Variants in EPHA5 observed in about 807,000 individuals in gnomAD.
EPHA5 encodes ephrin type-A receptor 5.
Under a neutral mutation model 105.0 loss-of-function variants are expected in EPHA5, and 60 were observed. That is an observed-to-expected ratio of 0.57 (90% confidence interval 0.46 to 0.71). EPHA5 has a LOEUF of 0.71. Among genes scored for constraint, EPHA5 ranks in the 30% least tolerant of loss-of-function variants. The pLI is 0.00. For synonymous variants in EPHA5, 513 were observed against 449.1 expected (o/e 1.14, Z -1.80); for missense variants, 1,218 against 1,274.7 (o/e 0.96, Z 0.68).
Position 65,409,632 on chromosome 4 carries a change from T to C in EPHA5, c.1687+4652A>G, listed in dbSNP as rs370957708. Among the ~76,000 whole-genome samples, 4 of 152,160 alleles carry C rather than the reference T, an allele frequency of 2.6e-5. No homozygotes were observed. The South Asian group carries it at 6.2e-4, about 24-fold the overall frequency. ...TAAAATAATTGCAAGAGCCAGATTA[T>C]AAGGCTACAGGTCAGAGTAAGAATT... On this transcript the variant is annotated intron_variant, in intron 7 of 16. Transcript: ENST00000613740.
chr4:65,628,443 G>T (rs1746339952), intron 2 of EPHA5, among the ~76,000 whole-genome samples: 1 of 151,936 alleles, frequency 6.6e-6, no homozygotes, highest in African/African-American at 2.4e-5. Context: ...TAACCTTCCA[G>T]GATAATGGCA....
chr4:65,404,284 G>T, intron 8 of EPHA5, 90 bp downstream of exon 8: 2 of 970,496 alleles, frequency 2.1e-6, no homozygotes, highest in Non-Finnish European at 1.6e-6. Context: ...TGCCTGATTT[G>T]TTTTGGGATG....
At chr4:65,576,063 G>GAA (rs1428582716) in intron 3 of EPHA5, among the ~76,000 whole-genome samples, 1 of 56,038 alleles carries the variant, frequency 1.8e-5, no homozygotes, top group African/African-American at 6.9e-5. Flanking sequence ...AGAAAGAAAA[G>GAA]AAAAGAAAAG....
chr4:65,360,341 A>T (rs1451126299), intron 11 of EPHA5, among the ~76,000 whole-genome samples: 1 of 151,670 alleles, frequency 6.6e-6, no homozygotes, highest in African/African-American at 2.4e-5. Flanking sequence ...GTGATCAGCT[A>T]GTATTTTTTG....
chr4:65,597,499 T>G (rs1743305466), intron 3 of EPHA5, among the ~76,000 whole-genome samples: 1 of 147,000 alleles, frequency 6.8e-6, no homozygotes, highest in African/African-American at 2.5e-5. Context: ...GGGAAAAAAA[T>G]AGCATGAATT....
chr4:65,586,510 C>G (rs1742140477), intron 3 of EPHA5, among the ~76,000 whole-genome samples: 1 of 151,818 alleles, frequency 6.6e-6, no homozygotes, highest in Non-Finnish European at 1.5e-5. Context: ...TTCTTCATAT[C>G]AGTGCTACAA....
rs1191951020 is a variant in EPHA5 at position 65,575,998 on chromosome 4, GAGAGAAAGAAAGAAAGAAAGAA to G, written c.910+25621_910+25642del. Among the ~76,000 whole-genome samples, 15 of 82,034 alleles carry G rather than the reference GAGAGAAAGAAAGAAAGAAAGAA, an allele frequency of 1.8e-4. No homozygotes were observed. The South Asian group carries it at 2.6e-3, about 14-fold the overall frequency. The allele number at this position is 82,034 out of a possible 152,430, so 53.8% of individuals were successfully genotyped here. On this transcript the variant is annotated intron_variant, in intron 3 of 16. Coordinates refer to ENST00000613740, the MANE Select transcript of EPHA5 (RefSeq NM_001281766.3). ...CAAAAAAGAAAGAGAGAGAGAGAGA[GAGAGAAAGAAAGAAAGAAAGAA>G]AGAAAGAAAGAAAGAAAGAAAGAAA...
chr4:65,331,103 A>G (rs1720570557), intron 16 of EPHA5: 1 of 1,039,966 alleles, frequency 9.6e-7, no homozygotes, highest in Non-Finnish European at 1.2e-6. Flanking sequence ...GCTTCAGAAT[A>G]TTCTACCATT....
intron 3 of EPHA5, among the ~76,000 whole-genome samples, chr4:65,514,298 C>G (rs1247279738): frequency 6.6e-6 from 1 of 152,140 alleles, no homozygotes; most frequent in Non-Finnish European, 1.5e-5. Flanking sequence ...TCCTCTGTCC[C>G]CTGAATCTGG....
intron 3 of EPHA5, among the ~76,000 whole-genome samples, chr4:65,577,311 G>T (rs1385768413): frequency 3.9e-5 from 6 of 151,984 alleles, no homozygotes; most frequent in Admixed American, 1.3e-4. Flanking sequence ...CTCAGTATTT[G>T]CAGGTTTCCT....
At chr4:65,563,245 T>G (rs1457348761) in intron 3 of EPHA5, among the ~76,000 whole-genome samples, 1 of 152,060 alleles carries the variant, frequency 6.6e-6, no homozygotes, top group Non-Finnish European at 1.5e-5. Context: ...ATTTTATTTC[T>G]CAGGTGCTGC....
chr4:65,367,479 T>C, intron 8 of EPHA5, 55 bp from the exon 9 acceptor site: 1 of 1,520,468 alleles, frequency 6.6e-7, no homozygotes, highest in South Asian at 1.1e-5. Context: ...ATCAGTCACA[T>C]CAAGCCCAGA....
intron 3 of EPHA5, among the ~76,000 whole-genome samples, chr4:65,533,954 A>AGAAT: frequency 6.6e-6 from 1 of 151,552 alleles, no homozygotes; most frequent in Non-Finnish European, 1.5e-5. Flanking sequence ...AATAAATAAA[A>AGAAT]GAAAGAAAGA....
At chr4:65,445,276 G>T (rs2149094555) in intron 5 of EPHA5, among the ~76,000 whole-genome samples, 1 of 152,168 alleles carries the variant, frequency 6.6e-6, no homozygotes, top group Non-Finnish European at 1.5e-5. Flanking sequence ...AAATAATTTA[G>T]ATTTTCTTTA....
At chr4:65,649,983 C>G (rs1191376279) in intron 1 of EPHA5, among the ~76,000 whole-genome samples, 1 of 152,268 alleles carries the variant, frequency 6.6e-6, no homozygotes, top group East Asian at 1.9e-4. Context: ...ACTTCTCACA[C>G]TACACCAAAA....
intron 2 of EPHA5, among the ~76,000 whole-genome samples, chr4:65,630,321 GT>G (rs1261975960): frequency 6.6e-6 from 1 of 152,090 alleles, no homozygotes; most frequent in Non-Finnish European, 1.5e-5. Context: ...AGTTTAACTG[GT>G]ATATGACCTT....
intron 8 of EPHA5, among the ~76,000 whole-genome samples, chr4:65,385,099 T>A (rs1205982643): frequency 6.6e-6 from 1 of 151,864 alleles, no homozygotes; most frequent in Non-Finnish European, 1.5e-5. Context: ...AAGTTGCAAA[T>A]AAGTGATGCT....
intron 5 of EPHA5, among the ~76,000 whole-genome samples, chr4:65,433,497 C>G (rs1725183681): frequency 1.3e-5 from 2 of 152,116 alleles, no homozygotes. Context: ...ATTCTATTCA[C>G]CCAGAAACTC....
Position 65,504,977 on chromosome 4 carries a change from T to A in EPHA5, c.911-9434A>T, listed in dbSNP as rs576450176. On this transcript the variant is annotated intron_variant, in intron 3 of 16. Coordinates refer to ENST00000613740, the MANE Select transcript of EPHA5 (RefSeq NM_001281766.3). ...AGTTCTTCTATCCCAAACAAATAAA[T>A]GTGAATTAGTTAAGAAATAAGAGTA... 2.0e-5 allele frequency among the ~76,000 whole-genome samples: 3 copies of A among 152,130 alleles called. No individual in the cohort carries two copies. In the East Asian group the frequency reaches 5.8e-4, roughly 29 times the overall value.
Sources: allele counts gnomAD v4.1 joint callset (sites outside exome capture counted in the v4.1 genomes callset), GRCh38; gene constraint gnomAD v4.1.1; transcripts MANE v1.5; gene names NCBI Gene and HGNC (gene_info 2026-07-23, HGNC 2026-07-21).